Variants in PRPF31 observed in about 807,000 individuals in gnomAD.
PRPF31 encodes the protein U4/U6 small nuclear ribonucleoprotein Prp31.
A neutral mutation model predicts 60.4 loss-of-function variants in PRPF31; 12 were observed. The ratio of observed to expected loss-of-function variants is 0.20; its 90% CI spans 0.13 to 0.32. The LOEUF is 0.32. Ranked by LOEUF, PRPF31 falls within the 10% of genes least tolerant of loss-of-function variation. PRPF31 has a pLI of 1.00. For synonymous variants in PRPF31, 287 were observed against 287.9 expected, an observed-to-expected ratio of 1.00 and a Z score of 0.03; for missense variants, 431 against 687.1, an observed-to-expected ratio of 0.63 and a Z score of 4.17.
chr19:54,123,945 A>C, intron 7 of PRPF31, 27 bp downstream of exon 7: 2 of 1,612,154 alleles, frequency 1.2e-6, no homozygotes, highest in South Asian at 2.2e-5. Context: ...GGTCCCATGG[A>C]GCGGGGGTCT....
In PRPF31 at chr19:54,124,669, C is replaced by T. The variant is rs764579100; in HGVS notation, c.855+13C>T. ...GTCCCTGCCACCGGTGAGCCCACTG[C>T]GTCATGGCCCCTCCCCCGGCCCCCC... is the stretch of plus-strand genomic sequence containing the variant. On this transcript the variant is annotated intron_variant, in intron 8 of 13. Transcript: ENST00000321030. 1.7e-5 allele frequency: 28 copies of T among 1,611,238 alleles called. No homozygotes were observed. The highest frequency in any genetic ancestry group is 3.3e-5 in the Admixed American group (2 of 60,024).
intron 3 of PRPF31, 133 bp from the exon 4 acceptor site, chr19:54,121,727 G>C (rs1052462484): frequency 1.6e-5 from 13 of 813,046 alleles, no homozygotes; most frequent in Middle Eastern, 4.3e-4. Context: ...GCAGACATCA[G>C]CCTGTCCCTG....
intron 1 of PRPF31, among the ~76,000 whole-genome samples, chr19:54,117,683 CA>C (rs57949221): frequency 0.012 from 975 of 80,436 alleles, 8 homozygotes; most frequent in Middle Eastern, 0.034. Flanking sequence ...CTTGACTCTA[CA>C]AAAAAAAAAA....
intron 9 of PRPF31, among the ~76,000 whole-genome samples, chr19:54,127,617 G>C (rs587744937): frequency 6.6e-6 from 1 of 152,328 alleles, no homozygotes; most frequent in East Asian, 1.9e-4. Flanking sequence ...CTGCAACAGG[G>C]GATGTTATTC....
At chr19:54,124,449 T>C in intron 7 of PRPF31, 50 bp from the exon 8 acceptor site, 4 of 1,455,078 alleles carry the variant, frequency 2.7e-6, no homozygotes, top group East Asian at 2.4e-5. Context: ...CACCCCCACC[T>C]CTCTGCTTTC....
rs587768967 is a variant in PRPF31 at position 54,122,707 on chromosome 19, G to A, written c.420+113G>A. On this transcript the variant is annotated intron_variant, in intron 5 of 13. Coordinates refer to ENST00000321030, the MANE Select transcript of PRPF31 (RefSeq NM_015629.4). ...CTGGAGACGATGGAGAGGAGTGGAC[G>A]AGGGCTCAGTGGTCTGCTCTGCCCA... The A allele has an allele frequency of 6.8e-6, 6 of 876,734 alleles. No homozygotes were observed. In the Admixed American group the frequency reaches 8.9e-5, roughly 13 times the overall value. 54.3% of individuals were successfully genotyped at this position (876,734 alleles called of 1,614,324 possible).
In PRPF31 at chr19:54,124,624, T is replaced by C; in HGVS notation, c.823T>C (p.Tyr275His). The part of the protein sequence containing the change: ...TSVLPHTGYI[Y>H]HSDIVQSLPP... Reference sequence around the variant, plus strand: ...AGTGCTGCCCCACACCGGCTACATCTACCACAGTGACATCGTGCAGTCCCT... The same window carrying C: ...AGTGCTGCCCCACACCGGCTACATCCACCACAGTGACATCGTGCAGTCCCT... The change falls in exon 8 of 14, where the codon TAC becomes CAC. Residue 275 changes from tyrosine to histidine, a missense_variant. Tyr to His is a moderately conservative substitution (Grantham distance 83). Transcript: ENST00000321030. 1 of 1,613,498 alleles carries C rather than the reference T, an allele frequency of 6.2e-7. No individual in the cohort carries two copies. The highest frequency in any genetic ancestry group is 1.3e-5 in the African/African-American group (1 of 75,058).
intron 9 of PRPF31, among the ~76,000 whole-genome samples, chr19:54,127,734 C>T (rs1195151491): frequency 5.9e-5 from 9 of 152,336 alleles, no homozygotes; most frequent in African/African-American, 1.4e-4. Context: ...CCTGGCACAG[C>T]GTTCAGGTGT....
intron 7 of PRPF31, chr19:54,124,143 G>A: frequency 1.1e-6 from 1 of 929,680 alleles, no homozygotes; most frequent in Non-Finnish European, 1.6e-6. Context: ...GAAACCCAGA[G>A]ATGACCACAC....
intron 8 of PRPF31, 192 bp downstream of exon 8, chr19:54,124,848 G>A: frequency 1.5e-6 from 1 of 677,090 alleles, no homozygotes; most frequent in Non-Finnish European, 2.6e-6. Flanking sequence ...TCAGGTGACT[G>A]TGGGCAAGAG....
rs1555792415 is a variant in PRPF31, at chr19:54,122,530, CA to C, written c.359del (p.Lys120ArgfsTer78). 6.2e-7 allele frequency: 1 copy of C among 1,614,144 alleles called. No individual in the cohort carries two copies. Among genetic ancestry groups the C allele is most frequent in the Non-Finnish European group, 8.5e-7 (1 of 1,179,954 alleles). On this transcript the variant is annotated frameshift_variant, in exon 5 of 14. Coordinates refer to ENST00000321030, the MANE Select transcript of PRPF31 (RefSeq NM_015629.4). LOFTEE classifies it high-confidence loss of function. ...CATAAGTTCATCCGGGATAAGTACT[CA>C]AAGAGATTCCCTGAACTGGAGTCCT... ...IIHKFIRDKYSKRFPELESLV... is the reference protein window; with the variant it reads ...IIHKFIRDKYXKRFPELESLV...
chr19:54,124,151 C>T, intron 7 of PRPF31: 1 of 855,924 alleles, frequency 1.2e-6, no homozygotes, highest in Non-Finnish European at 1.8e-6. Context: ...GAGATGACCA[C>T]ACCCAGGCCC....
rs587739828 is a variant in PRPF31 at position 54,124,549 on chromosome 19, A to G, written c.748A>G (p.Met250Val). 3.1e-6 allele frequency: 5 copies of G among 1,611,850 alleles called. No homozygotes were observed. Among genetic ancestry groups the G allele is most frequent in the South Asian group, 2.2e-5 (2 of 91,060 alleles). Residue 250 changes from methionine to valine, a missense_variant, in exon 8 of 14, where the codon ATG becomes GTG. By Grantham distance (21) the Met-to-Val change is conservative (BLOSUM62 1). Coordinates refer to ENST00000321030, the MANE Select transcript of PRPF31 (RefSeq NM_015629.4). ...NLSKMPACNI[M>V]LLGAQRKTLS... ...CTCCAAGATGCCCGCCTGCAACATC[A>G]TGCTGCTCGGGGCCCAGCGCAAGAC...
chr19:54,129,741 A>T (rs1292415068), intron 13 of PRPF31, among the ~76,000 whole-genome samples: 7 of 149,070 alleles, frequency 4.7e-5, no homozygotes, highest in African/African-American at 1.7e-4. Context: ...GTTCCCGGCT[A>T]GGCGGGCTTG....
intron 13 of PRPF31, among the ~76,000 whole-genome samples, chr19:54,130,039 A>G (rs2074015304): frequency 6.6e-6 from 1 of 151,922 alleles, no homozygotes; most frequent in South Asian, 2.1e-4. Context: ...TAAGATGTCC[A>G]GTGTAGGAGA....
intron 9 of PRPF31, 44 bp downstream of exon 9, chr19:54,126,661 G>A: frequency 6.4e-7 from 1 of 1,568,678 alleles, no homozygotes; most frequent in Non-Finnish European, 8.7e-7. Context: ...CTTTTCCTCT[G>A]GGCCTGGGGT....
At position 54,123,543 on chromosome 19, in the gene PRPF31, C is replaced by T. The variant is rs145699524; in HGVS notation, c.510C>T (p.Thr170=). 378 of 1,614,150 alleles carry T rather than the reference C, an allele frequency of 2.3e-4. 4 individuals carry two copies. The East Asian group carries it at 7.1e-3, about 30-fold the overall frequency. The stretch of plus-strand genomic sequence containing the variant: ...CCACCATCATGGTCGTCAGCGTCAC[C>T]GCCTCCACCACCCAGGGGTATGTCC... ...TNATIMVVSV[T]ASTTQGQQLS... Residue 170 remains threonine (T), a synonymous_variant, in exon 6 of 14, where the codon ACC becomes ACT. Transcript: ENST00000321030.
Position 54,124,670 on chromosome 19 carries a change from G to A in PRPF31, c.855+14G>A, listed in dbSNP as rs370512426. On this transcript the variant is annotated intron_variant, in intron 8 of 13. Coordinates refer to ENST00000321030, the MANE Select transcript of PRPF31 (RefSeq NM_015629.4). ...TCCCTGCCACCGGTGAGCCCACTGC[G>A]TCATGGCCCCTCCCCCGGCCCCCCT... 117 of 1,611,118 alleles carry A rather than the reference G, an allele frequency of 7.3e-5. No individual in the cohort carries two copies. The highest frequency in any genetic ancestry group is 1.6e-4 in the East Asian group (7 of 44,886).
intron 13 of PRPF31, among the ~76,000 whole-genome samples, chr19:54,129,616 C>CAGGGCACCCAGTTCCT (rs1386759465): frequency 7.2e-6 from 1 of 139,124 alleles, no homozygotes; most frequent in Non-Finnish European, 1.5e-5. Flanking sequence ...CAGCTGTGTT[C>CAGGGCACCCAGTTCCT]AGGGCACCCA....
Sources: allele counts gnomAD v4.1 joint callset (sites outside exome capture counted in the v4.1 genomes callset), GRCh38; gene constraint gnomAD v4.1.1; transcripts MANE v1.5; gene names NCBI Gene and HGNC (gene_info 2026-07-23, HGNC 2026-07-21).